Variants in TMEM232 observed in about 807,000 individuals in gnomAD.
TMEM232 encodes the protein transmembrane protein 232.
Under a neutral mutation model 78.8 loss-of-function variants are expected in TMEM232, and 80 were observed. The ratio of observed to expected loss-of-function variants is 1.01; its 90% CI spans 0.85 to 1.22. The LOEUF is 1.22. Among genes scored for constraint, TMEM232 ranks in the 50% most tolerant of loss-of-function variants. The probability of loss-of-function intolerance (pLI) is 0.00; values close to 1 mark genes in which losing one functional copy is unlikely to be tolerated. For synonymous variants in TMEM232, 297 were observed against 254.3 expected, an observed-to-expected ratio of 1.17 and a Z score of -1.60; for missense variants, 881 against 742.2, an observed-to-expected ratio of 1.19 and a Z score of -2.17.
intron 12 of TMEM232, among the ~76,000 whole-genome samples, chr5:110,479,405 TA>T (rs941703012): frequency 1.3e-5 from 2 of 151,432 alleles, no homozygotes; most frequent in Admixed American, 6.6e-5. Flanking sequence ...GATAAGGAAA[TA>T]AAAAAAATTA....
intron 1 of TMEM232, among the ~76,000 whole-genome samples, chr5:110,703,931 A>AGGAG (rs1795675807): frequency 6.6e-6 from 1 of 152,092 alleles, no homozygotes; most frequent in African/African-American, 2.4e-5. Context: ...AGTTAACCTA[A>AGGAG]GAGCAACTCC....
At chr5:110,624,765 G>C (rs1482541442) in intron 7 of TMEM232, among the ~76,000 whole-genome samples, 1 of 151,820 alleles carries the variant, frequency 6.6e-6, no homozygotes, top group African/African-American at 2.4e-5. Flanking sequence ...ATTTTAGAAA[G>C]GGCTTATAGG....
At chr5:110,679,638 A>G (rs1207201601) in intron 1 of TMEM232, among the ~76,000 whole-genome samples, 1 of 152,160 alleles carries the variant, frequency 6.6e-6, no homozygotes. Context: ...TAGATTTTTA[A>G]CATATGAAAT....
chr5:110,645,400 G>GGA (rs1378211964), intron 2 of TMEM232, among the ~76,000 whole-genome samples: 2 of 150,660 alleles, frequency 1.3e-5, no homozygotes, highest in Non-Finnish European at 3.0e-5. Context: ...ATTTATCCAT[G>GGA]GAGTACAAGG....
chr5:110,571,119 A>C (rs1294830783), intron 10 of TMEM232, among the ~76,000 whole-genome samples: 1 of 152,062 alleles, frequency 6.6e-6, no homozygotes, highest in Non-Finnish European at 1.5e-5. Flanking sequence ...CTCCATGGCT[A>C]GCTAGGTGCC....
chr5:110,475,754 A>T (rs1313630566), intron 12 of TMEM232, among the ~76,000 whole-genome samples: 1 of 151,978 alleles, frequency 6.6e-6, no homozygotes, highest in Non-Finnish European at 1.5e-5. Context: ...TTCCCCACTC[A>T]GCTGAGTACT....
chr5:110,609,387 A>T (rs1294834427), intron 8 of TMEM232, among the ~76,000 whole-genome samples: 1 of 152,080 alleles, frequency 6.6e-6, no homozygotes, highest in Non-Finnish European at 1.5e-5. Flanking sequence ...TAAAAGAAAA[A>T]ACTTTTTTTA....
chr5:110,730,804 G>A (rs1448015345), upstream of TMEM232, among the ~76,000 whole-genome samples: 3 of 152,074 alleles, frequency 2.0e-5, no homozygotes, highest in Admixed American at 6.5e-5. Context: ...TTAAGATTTG[G>A]GTGGAGACAC....
chr5:110,656,698 G>A (rs187615739), intron 2 of TMEM232, among the ~76,000 whole-genome samples: 64 of 151,980 alleles, frequency 4.2e-4, no homozygotes, highest in South Asian at 1.0e-3. Flanking sequence ...TTAGCTGGGC[G>A]TGGTGGCAGG....
intron 8 of TMEM232, among the ~76,000 whole-genome samples, chr5:110,607,602 GA>G (rs1460787350): frequency 6.6e-6 from 1 of 151,936 alleles, no homozygotes; most frequent in African/African-American, 2.4e-5. Flanking sequence ...ATTAATGTAT[GA>G]AGTTCATTGT....
intron 10 of TMEM232, among the ~76,000 whole-genome samples, chr5:110,570,513 A>C (rs953936404): frequency 6.6e-6 from 1 of 151,998 alleles, no homozygotes; most frequent in Non-Finnish European, 1.5e-5. Context: ...TCACAAAAGC[A>C]AGAGATCAAT....
intron 12 of TMEM232, among the ~76,000 whole-genome samples, chr5:110,492,558 T>C (rs1172184318): frequency 1.3e-5 from 2 of 151,958 alleles, no homozygotes; most frequent in African/African-American, 4.8e-5. Flanking sequence ...ACCAAAATAC[T>C]ACAACTATTC....
chr5:110,676,750 T>A (rs1055162516), intron 1 of TMEM232, among the ~76,000 whole-genome samples: 68 of 149,040 alleles, frequency 4.6e-4, no homozygotes, highest in South Asian at 8.5e-4. Context: ...TTTATTTATT[T>A]ATTTATTTAT....
chr5:110,708,233 A>G (rs1393857195), intron 1 of TMEM232, among the ~76,000 whole-genome samples: 3 of 152,194 alleles, frequency 2.0e-5, no homozygotes. Flanking sequence ...TGAATAGTAT[A>G]TATCTGGTGA....
intron 12 of TMEM232, among the ~76,000 whole-genome samples, chr5:110,467,269 C>T (rs1203977467): frequency 2.0e-5 from 3 of 152,130 alleles, no homozygotes; most frequent in African/African-American, 7.2e-5. Flanking sequence ...TACTTTTCTC[C>T]ATTTAATTTG....
intron 10 of TMEM232, among the ~76,000 whole-genome samples, chr5:110,585,601 G>A (rs915046865): frequency 6.6e-6 from 1 of 151,970 alleles, no homozygotes; most frequent in Non-Finnish European, 1.5e-5. Flanking sequence ...TTGGCCACAG[G>A]GATTCTTCTT....
intron 12 of TMEM232, among the ~76,000 whole-genome samples, chr5:110,508,079 C>G (rs1767158575): frequency 6.6e-6 from 1 of 152,040 alleles, no homozygotes; most frequent in African/African-American, 2.4e-5. Flanking sequence ...TTAAGATAGG[C>G]ATTTTTCTTT....
intron 13 of TMEM232, among the ~76,000 whole-genome samples, chr5:110,423,780 C>CGTGCGTGTGTGTGT (rs1554075234): frequency 2.1e-5 from 3 of 142,486 alleles, no homozygotes; most frequent in Admixed American, 2.1e-4. Flanking sequence ...TTTATGCGTG[C>CGTGCGTGTGTGTGT]GTGTGTGTGT....
At chr5:110,600,498 A>C (rs1349947941) in intron 10 of TMEM232, among the ~76,000 whole-genome samples, 2 of 152,216 alleles carry the variant, frequency 1.3e-5, no homozygotes, top group Non-Finnish European at 2.9e-5. Context: ...CTGATCCCAC[A>C]GAAATACAAA....
Sources: allele counts gnomAD v4.1 joint callset (sites outside exome capture counted in the v4.1 genomes callset), GRCh38; gene constraint gnomAD v4.1.1; transcripts MANE v1.5; gene names NCBI Gene and HGNC (gene_info 2026-07-23, HGNC 2026-07-21).